The following SNTB2 variants were observed in gnomAD, a reference collection of about 807,000 sequenced individuals.
SNTB2 encodes beta-2-syntrophin.
In SNTB2, 34 loss-of-function variants were observed where a neutral mutation model predicts 46.2. The observed-to-expected ratio is 0.74, with a 90% confidence interval of 0.56 to 0.98. SNTB2 has a LOEUF of 0.98. Among genes scored for constraint, SNTB2 ranks in the 50% least tolerant of loss-of-function variants. SNTB2 has a pLI of 0.00. For missense variants in SNTB2, 603 were observed against 731.4 expected, an observed-to-expected ratio of 0.82 and a Z score of 2.02; for synonymous variants, 290 against 312.6, an observed-to-expected ratio of 0.93 and a Z score of 0.76.
At chr16:69,221,816 T>C (rs1373868670) in intron 1 of SNTB2, among the ~76,000 whole-genome samples, 2 of 152,184 alleles carry the variant, frequency 1.3e-5, no homozygotes, top group Non-Finnish European at 2.9e-5. Context: ...AACAATTCTC[T>C]TTGCAAATAA....
intron 4 of SNTB2, among the ~76,000 whole-genome samples, chr16:69,271,299 TC>T (rs1964935046): frequency 6.6e-6 from 1 of 152,184 alleles, no homozygotes. Context: ...GGGAGGTGTG[TC>T]CTCATTAATT....
intron 1 of SNTB2, among the ~76,000 whole-genome samples, chr16:69,210,864 G>A (rs1222697364): frequency 1.3e-5 from 2 of 152,058 alleles, no homozygotes; most frequent in South Asian, 2.1e-4. Flanking sequence ...GTGGTGGCGC[G>A]CTTGTAATCC....
At chr16:69,213,429 T>G (rs986200305) in intron 1 of SNTB2, among the ~76,000 whole-genome samples, 5 of 152,182 alleles carry the variant, frequency 3.3e-5, no homozygotes, top group African/African-American at 1.2e-4. Context: ...CACCCACTTT[T>G]CTTTATGTTC....
At chr16:69,229,098 C>T (rs1051171161) in intron 1 of SNTB2, among the ~76,000 whole-genome samples, 2 of 152,182 alleles carry the variant, frequency 1.3e-5, no homozygotes, top group Non-Finnish European at 2.9e-5. Context: ...GTGACTCCCC[C>T]GACGTTGTAT....
chr16:69,225,922 C>T (rs1361900913), intron 1 of SNTB2, among the ~76,000 whole-genome samples: 1 of 151,922 alleles, frequency 6.6e-6, no homozygotes, highest in Non-Finnish European at 1.5e-5. Flanking sequence ...CGCCCGTCTC[C>T]ACACCTGGCT....
At chr16:69,291,940 C>G (rs1965163261) in intron 5 of SNTB2, among the ~76,000 whole-genome samples, 1 of 148,736 alleles carries the variant, frequency 6.7e-6, no homozygotes, top group South Asian at 2.1e-4. Flanking sequence ...AATAAATAGG[C>G]TGGGCACGGT....
At chr16:69,235,178 AT>A (rs540699447) in intron 1 of SNTB2, among the ~76,000 whole-genome samples, 7,596 of 143,160 alleles carry the variant, frequency 0.053, 250 homozygotes, top group Non-Finnish European at 0.075. Flanking sequence ...TGCCCAGCTA[AT>A]TTTTTTTTTT....
chr16:69,243,677 CA>C (rs1964640658), intron 1 of SNTB2, among the ~76,000 whole-genome samples: 1 of 152,122 alleles, frequency 6.6e-6, no homozygotes, highest in South Asian at 2.1e-4. Context: ...GAATTTCTGC[CA>C]AAGTCCTTCA....
chr16:69,269,897 T>C (rs1326970605), intron 3 of SNTB2, among the ~76,000 whole-genome samples: 1 of 152,178 alleles, frequency 6.6e-6, no homozygotes, highest in Non-Finnish European at 1.5e-5. Flanking sequence ...GTTCAGTTAT[T>C]ATGGAATGGG....
At chr16:69,212,420 C>A (rs2152292239) in intron 1 of SNTB2, among the ~76,000 whole-genome samples, 1 of 152,200 alleles carries the variant, frequency 6.6e-6, no homozygotes, top group South Asian at 2.1e-4. Flanking sequence ...CTCACTGCAA[C>A]CTCTGCCTCC....
rs1474276630 is a variant in SNTB2 at position 69,303,106 on chromosome 16, A to T, written c.*2182A>T. On this transcript the variant is annotated 3_prime_UTR_variant, in exon 7 of 7. Coordinates refer to ENST00000336278, the MANE Select transcript of SNTB2 (RefSeq NM_006750.4). Reference sequence around the variant, plus strand: ...GGTCTTGAACTCCCGACCTCAAGTGATCCACCTGCCTTGGCCTCCCAAAGT... The same window carrying T: ...GGTCTTGAACTCCCGACCTCAAGTGTTCCACCTGCCTTGGCCTCCCAAAGT... 1 of 152,156 alleles carries T rather than the reference A, an allele frequency of 6.6e-6. No individual in the cohort carries two copies. The highest frequency in any genetic ancestry group is 1.5e-5 in the Non-Finnish European group (1 of 68,046). 9.4% of individuals were successfully genotyped at this position (152,156 alleles called of 1,614,324 possible).
intron 3 of SNTB2, among the ~76,000 whole-genome samples, chr16:69,265,935 C>T (rs947399080): frequency 6.6e-5 from 10 of 151,992 alleles, no homozygotes; most frequent in Admixed American, 2.0e-4. Context: ...CCCTAACATT[C>T]GTATCCCTTT....
At chr16:69,204,216 TC>T (rs1190701528) in intron 1 of SNTB2, among the ~76,000 whole-genome samples, 1 of 152,162 alleles carries the variant, frequency 6.6e-6, no homozygotes, top group Non-Finnish European at 1.5e-5. Flanking sequence ...ATTGAGAACT[TC>T]CTCTTAATAT....
At chr16:69,293,116 A>G (rs903287217) in intron 5 of SNTB2, among the ~76,000 whole-genome samples, 1 of 152,218 alleles carries the variant, frequency 6.6e-6, no homozygotes, top group African/African-American at 2.4e-5. Flanking sequence ...ACTAGAATAA[A>G]TATTAAATAT....
In SNTB2 at chr16:69,187,198, G is replaced by T; in HGVS notation, c.32G>T (p.Gly11Val). The change falls in exon 1 of 7, where the codon GGA (glycine) becomes GTA (valine). Residue 11 changes from glycine (G) to valine (V), a missense_variant. By Grantham distance (109) the Gly-to-Val change is moderately radical. This residue lies in a region of SNTB2 where 66 missense variants were observed against 39.0 expected (regional missense o/e 1.69). Coordinates refer to ENST00000336278, the MANE Select transcript of SNTB2 (RefSeq NM_006750.4). The part of the protein sequence containing the change: MRVAAATAAA[G>V]AGPAMAVWTR... ...GTAGCTGCGGCGACTGCGGCGGCTGGAGCGGGGCCGGCCATGGCGGTGTGG... is the reference window on the plus strand; with the variant it reads ...GTAGCTGCGGCGACTGCGGCGGCTGTAGCGGGGCCGGCCATGGCGGTGTGG... 2 of 1,398,444 alleles carry T rather than the reference G, an allele frequency of 1.4e-6. No homozygotes were observed. The highest frequency in any genetic ancestry group is 1.9e-6 in the Non-Finnish European group (2 of 1,075,028). 86.6% of individuals were successfully genotyped at this position (1,398,444 alleles called of 1,614,324 possible). A position where few individuals can be genotyped will look rare whatever the true frequency, so the allele number is the denominator to read the frequency against.
chr16:69,249,424 G>A (rs1300134517), intron 2 of SNTB2, among the ~76,000 whole-genome samples: 1 of 152,190 alleles, frequency 6.6e-6, no homozygotes, highest in Non-Finnish European at 1.5e-5. Context: ...GAAACCCGGG[G>A]TTGTGGGAGT....
chr16:69,259,087 T>C (rs1461903031), intron 2 of SNTB2, among the ~76,000 whole-genome samples: 3 of 151,966 alleles, frequency 2.0e-5, no homozygotes, highest in Non-Finnish European at 4.4e-5. Flanking sequence ...TTTTTAGACA[T>C]AGAAATTAAG....
chr16:69,266,631 C>G (rs1964887800), intron 3 of SNTB2, among the ~76,000 whole-genome samples: 1 of 152,140 alleles, frequency 6.6e-6, no homozygotes, highest in African/African-American at 2.4e-5. Flanking sequence ...GAAAGAAATA[C>G]ATTTAATTTA....
intron 1 of SNTB2, among the ~76,000 whole-genome samples, chr16:69,234,682 T>C (rs1964539899): frequency 6.6e-6 from 1 of 151,700 alleles, no homozygotes; most frequent in Non-Finnish European, 1.5e-5. Context: ...CAGAAGACAT[T>C]ATGTGTTATA....
Sources: gnomAD v4.1 joint callset for allele counts (sites outside exome capture counted in the v4.1 genomes callset) on GRCh38, gnomAD v4.1.1 for gene constraint, gnomAD v4.1.1 regional missense constraint, MANE v1.5 for transcripts, NCBI Gene and HGNC (gene_info 2026-07-23, HGNC 2026-07-21) for gene names.